Variants in HERC3 observed in about 807,000 individuals in gnomAD.
HERC3 encodes HECT and RLD domain containing E3 ubiquitin protein ligase 3.
A neutral mutation model predicts 129.9 loss-of-function variants in HERC3; 58 were observed. The ratio of observed to expected loss-of-function variants is 0.45; its 90% CI spans 0.36 to 0.56. The LOEUF (loss-of-function observed/expected upper bound fraction) is 0.56. HERC3 is among the 20% of genes least tolerant of loss of function. HERC3 has a pLI of 0.00. For synonymous variants in HERC3, 430 were observed against 451.0 expected (o/e 0.95, Z 0.59); for missense variants, 835 against 1,244.2 (o/e 0.67, Z 4.95).
At chr4:88,667,298 G>A in intron 12 of HERC3, 79 bp from the exon 13 acceptor site, 1 of 685,562 alleles carries the variant, frequency 1.5e-6, no homozygotes, top group South Asian at 2.0e-5. Context: ...TAAGAACACA[G>A]TATTTTACTT....
intron 21 of HERC3, among the ~76,000 whole-genome samples, chr4:88,683,475 A>C (rs1181120398): frequency 2.0e-5 from 3 of 151,252 alleles, no homozygotes; most frequent in Non-Finnish European, 4.4e-5. Flanking sequence ...CTGAAAGAAA[A>C]GGCTAGAGAG....
intron 3 of HERC3, among the ~76,000 whole-genome samples, chr4:88,608,837 A>T (rs1341095963): frequency 6.6e-6 from 1 of 152,192 alleles, no homozygotes; most frequent in African/African-American, 2.4e-5. Context: ...CTTCATTCCA[A>T]TGATCTTTGA....
At chr4:88,645,760 T>C (rs1363765140) in intron 3 of HERC3, among the ~76,000 whole-genome samples, 3 of 152,154 alleles carry the variant, frequency 2.0e-5, no homozygotes, top group South Asian at 2.1e-4. Context: ...TTAAAACTTA[T>C]GAGTTGCTTA....
chr4:88,644,561 T>C (rs907392900), intron 3 of HERC3, among the ~76,000 whole-genome samples: 3 of 152,080 alleles, frequency 2.0e-5, no homozygotes, highest in East Asian at 1.9e-4. Context: ...CTCAAAACTA[T>C]AGTGAGAGAA....
At chr4:88,646,215 A>G (rs1176161000) in intron 3 of HERC3, among the ~76,000 whole-genome samples, 2 of 152,124 alleles carry the variant, frequency 1.3e-5, no homozygotes, top group Admixed American at 6.6e-5. Flanking sequence ...TGCATCATCC[A>G]TCTACCCCCT....
the HERC3 span, among the ~76,000 whole-genome samples, chr4:88,542,684 C>T: frequency 6.6e-6 from 1 of 152,084 alleles, no homozygotes; most frequent in East Asian, 1.9e-4. Flanking sequence ...TGTGAAAATC[C>T]TCAATAAAAT....
At chr4:88,637,334 G>A (rs1181989117) in intron 3 of HERC3, among the ~76,000 whole-genome samples, 1 of 152,046 alleles carries the variant, frequency 6.6e-6, no homozygotes, top group African/African-American at 2.4e-5. Context: ...GCTGAGGCGG[G>A]AGAATGGCAT....
chr4:88,573,285 C>G, the HERC3 span, among the ~76,000 whole-genome samples: 1 of 152,150 alleles, frequency 6.6e-6, no homozygotes, highest in Non-Finnish European at 1.5e-5. Context: ...TCTTTGGGTG[C>G]ACATGGGACA....
intron 5 of HERC3, among the ~76,000 whole-genome samples, chr4:88,652,472 C>T (rs994935932): frequency 6.6e-5 from 10 of 152,326 alleles, no homozygotes; most frequent in African/African-American, 2.4e-4. Flanking sequence ...ATCTGCACTT[C>T]TGTGTCCTGC....
chr4:88,636,606 A>G (rs1727430934), intron 3 of HERC3, among the ~76,000 whole-genome samples: 1 of 152,204 alleles, frequency 6.6e-6, no homozygotes, highest in South Asian at 2.1e-4. Context: ...TAACAAGGAT[A>G]TTCAGGACTT....
intron 2 of HERC3, among the ~76,000 whole-genome samples, chr4:88,603,121 T>G (rs1405859459): frequency 1.3e-5 from 2 of 152,096 alleles, no homozygotes; most frequent in East Asian, 3.9e-4. Context: ...AAAATTCATC[T>G]GCTGTTCTCT....
chr4:88,685,819 G>A (rs960927881), intron 21 of HERC3, among the ~76,000 whole-genome samples: 1 of 151,858 alleles, frequency 6.6e-6, no homozygotes, highest in Admixed American at 6.6e-5. Flanking sequence ...GTAAAGATGT[G>A]TTTTCTTCTA....
intron 4 of HERC3, among the ~76,000 whole-genome samples, chr4:88,651,406 C>T (rs1164708156): frequency 6.6e-6 from 1 of 152,064 alleles, no homozygotes; most frequent in Non-Finnish European, 1.5e-5. Flanking sequence ...CCTTGGATTC[C>T]AATACTGGCT....
intron 18 of HERC3, 63 bp downstream of exon 18, chr4:88,676,486 T>A: frequency 8.5e-7 from 1 of 1,173,618 alleles, no homozygotes; most frequent in Non-Finnish European, 1.3e-6. Context: ...GACATTCAGT[T>A]GTAATTTTTT....
Position 88,655,897 on chromosome 4 carries a change from C to G in HERC3, c.931C>G (p.Pro311Ala), listed in dbSNP as rs201937749. The G allele has an allele frequency of 1.3e-5, 21 of 1,612,670 alleles. No individual in the cohort carries two copies. The highest frequency in any genetic ancestry group is 1.8e-5 in the Non-Finnish European group (21 of 1,179,060). ...CAGACAACATACCCTAGCCTTCGTG[C>G]CTTCTTCTGGACTCATCTATGCATT... ...CGRQHTLAFV[P>A]SSGLIYAFGC... is the part of the protein sequence containing the mutation. The change falls in exon 9 of 26, where the codon CCT becomes GCT. Residue 311 changes from proline (P) to alanine (A), a missense_variant. Pro to Ala is a conservative substitution (Grantham distance 27). Coordinates refer to ENST00000402738, the MANE Select transcript of HERC3 (RefSeq NM_014606.3).
At position 88,652,805 on chromosome 4, in the gene HERC3, A is replaced by G. The variant is rs1729437027; in HGVS notation, c.464-64A>G. 3 of 1,496,938 alleles carry G rather than the reference A, an allele frequency of 2.0e-6. No individual in the cohort carries two copies. In the Admixed American group the frequency reaches 6.0e-5, roughly 30 times the overall value. The allele number at this position is 1,496,938 out of a possible 1,614,324, so 92.7% of individuals were successfully genotyped here. A position where few individuals can be genotyped will look rare whatever the true frequency, so the allele number is the denominator to read the frequency against. ...CAACTGGCAAATGACCCTAATAACTAGATTATTTTTGTGTGTGGAGCTTGT... is the reference window on the plus strand; with the variant it reads ...CAACTGGCAAATGACCCTAATAACTGGATTATTTTTGTGTGTGGAGCTTGT... On this transcript the variant is annotated intron_variant, in intron 5 of 25. Transcript: ENST00000402738.
the HERC3 span, among the ~76,000 whole-genome samples, chr4:88,532,253 G>A: frequency 9.2e-5 from 14 of 152,270 alleles, no homozygotes; most frequent in Admixed American, 7.8e-4. Flanking sequence ...CGGAGGCCTG[G>A]AAGTCCCATA....
At chr4:88,531,234 G>T in the HERC3 span, among the ~76,000 whole-genome samples, 4 of 151,634 alleles carry the variant, frequency 2.6e-5, no homozygotes, top group Non-Finnish European at 5.9e-5. Context: ...AAATTAAATT[G>T]TTGTTGTGCT....
At chr4:88,549,319 T>A in the HERC3 span, among the ~76,000 whole-genome samples, 3 of 139,788 alleles carry the variant, frequency 2.1e-5, no homozygotes, top group African/African-American at 5.7e-5. Context: ...GTAACTTTTT[T>A]TAAAAAAAAA....
Sources: gnomAD v4.1 joint callset for allele counts (sites outside exome capture counted in the v4.1 genomes callset) on GRCh38, gnomAD v4.1.1 for gene constraint, MANE v1.5 for transcripts, NCBI Gene and HGNC (gene_info 2026-07-23, HGNC 2026-07-21) for gene names.